TSPAN5: variants seen among roughly 807,000 people sequenced by gnomAD.
TSPAN5 encodes tetraspanin 5, also known as tetraspanin-5.
TSPAN5 carries 10 observed loss-of-function variants against 37.1 expected under a neutral mutation model. The observed-to-expected ratio is 0.27, with a 90% CI of 0.17 to 0.46. The LOEUF is 0.46. Among genes scored for constraint, TSPAN5 ranks in the 20% least tolerant of loss-of-function variants. The pLI is 1.00. For synonymous variants in TSPAN5, 110 were observed against 118.9 expected (o/e 0.93, Z 0.48); for missense variants, 195 against 326.6 (o/e 0.60, Z 3.11).
intron 7 of TSPAN5, 98 bp downstream of exon 7, chr4:98,476,091 C>A (rs1752689021): frequency 3.4e-6 from 3 of 877,304 alleles, no homozygotes; most frequent in Non-Finnish European, 5.6e-6. Flanking sequence ...GTCTTAAAAA[C>A]TATGACAATC....
At chr4:98,610,255 C>A (rs1756149548) in intron 1 of TSPAN5, among the ~76,000 whole-genome samples, 1 of 152,188 alleles carries the variant, frequency 6.6e-6, no homozygotes, top group African/African-American at 2.4e-5. Flanking sequence ...TCGAACTCAG[C>A]CTCAAGCCCT....
chr4:98,611,511 G>A (rs1162618362), intron 1 of TSPAN5, among the ~76,000 whole-genome samples: 1 of 152,216 alleles, frequency 6.6e-6, no homozygotes, highest in Middle Eastern at 3.2e-3. Context: ...AAGCTGAAAT[G>A]TGAGCTCAGC....
chr4:98,650,744 C>T (rs945235633), intron 1 of TSPAN5, among the ~76,000 whole-genome samples: 1 of 152,160 alleles, frequency 6.6e-6, no homozygotes, highest in Non-Finnish European at 1.5e-5. Context: ...TTCAATAGCT[C>T]CTTGGAGAAA....
intron 2 of TSPAN5, among the ~76,000 whole-genome samples, chr4:98,499,338 G>A (rs967993654): frequency 3.3e-5 from 5 of 152,210 alleles, no homozygotes; most frequent in East Asian, 1.9e-4. Flanking sequence ...TGATGGGCTC[G>A]GCAGGGAGAA....
chr4:98,481,672 A>G (rs1752841507), intron 4 of TSPAN5, among the ~76,000 whole-genome samples: 1 of 152,230 alleles, frequency 6.6e-6, no homozygotes, highest in South Asian at 2.1e-4. Flanking sequence ...ATATTTAATA[A>G]CCAAAGAAAA....
chr4:98,507,291 C>T (rs1418641457), intron 2 of TSPAN5, among the ~76,000 whole-genome samples: 1 of 152,012 alleles, frequency 6.6e-6, no homozygotes, highest in African/African-American at 2.4e-5. Flanking sequence ...GAGTTATCTT[C>T]CAAAGAGTTG....
At chr4:98,475,400 T>A (rs1387110733) in intron 7 of TSPAN5, among the ~76,000 whole-genome samples, 1 of 152,226 alleles carries the variant, frequency 6.6e-6, no homozygotes, top group African/African-American at 2.4e-5. Flanking sequence ...CTCTTAAGAC[T>A]GGCCAGGAGG....
At position 98,658,254 on chromosome 4, in the gene TSPAN5, CG is replaced by C. The variant is rs1172615321; in HGVS notation, c.-29del. 1 of 1,599,076 alleles carries C rather than the reference CG, an allele frequency of 6.3e-7. No individual in the cohort carries two copies. The highest frequency in any genetic ancestry group is 1.1e-5 in the South Asian group (1 of 90,784). On this transcript the variant is annotated 5_prime_UTR_variant, in exon 1 of 8. Transcript: ENST00000305798. ...TCTGGGTTCATGAAGACACTTGCCC[CG>C]GCAGCCCGAGTTTGGAGCTCCGAAG...
chr4:98,644,596 G>GC (rs1197281988), intron 1 of TSPAN5, among the ~76,000 whole-genome samples: 1 of 152,046 alleles, frequency 6.6e-6, no homozygotes, highest in Non-Finnish European at 1.5e-5. Flanking sequence ...CTGGTGCGCT[G>GC]CACCCACTAA....
intron 2 of TSPAN5, among the ~76,000 whole-genome samples, chr4:98,494,508 T>A (rs534516992): frequency 4.0e-5 from 6 of 151,756 alleles, no homozygotes; most frequent in African/African-American, 1.4e-4. Context: ...TAAGCCTCAA[T>A]TTCTGTATCT....
chr4:98,640,014 C>A (rs28574900), intron 1 of TSPAN5, among the ~76,000 whole-genome samples: 31,867 of 152,070 alleles, frequency 0.21, 3,631 homozygotes, highest in Middle Eastern at 0.29. Flanking sequence ...AGGGAGCTTT[C>A]CTTTACTATA....
intron 2 of TSPAN5, 133 bp downstream of exon 2, chr4:98,507,545 C>T (rs1198047451): frequency 1.7e-6 from 1 of 573,888 alleles, no homozygotes; most frequent in East Asian, 3.0e-5. Context: ...CATTAATCTT[C>T]CACCAACACT....
intron 1 of TSPAN5, among the ~76,000 whole-genome samples, chr4:98,639,798 G>C (rs1166382406): frequency 6.6e-6 from 1 of 152,152 alleles, no homozygotes; most frequent in African/African-American, 2.4e-5. Context: ...ATCAAGAAAT[G>C]AATGACTAGT....
At chr4:98,620,358 T>A (rs1756453071) in intron 1 of TSPAN5, among the ~76,000 whole-genome samples, 1 of 152,122 alleles carries the variant, frequency 6.6e-6, no homozygotes, top group Non-Finnish European at 1.5e-5. Context: ...GTCATCCCAG[T>A]CCAGACAGCA....
At chr4:98,506,977 G>A (rs1255843672) in intron 2 of TSPAN5, among the ~76,000 whole-genome samples, 3 of 152,220 alleles carry the variant, frequency 2.0e-5, no homozygotes, top group Non-Finnish European at 4.4e-5. Context: ...CGATGGGAAG[G>A]AGAGGTGTGG....
chr4:98,553,192 A>T (rs1754661529), intron 1 of TSPAN5, among the ~76,000 whole-genome samples: 1 of 152,342 alleles, frequency 6.6e-6, no homozygotes, highest in African/African-American at 2.4e-5. Context: ...GTATAAAGTT[A>T]CCTAATTTGC....
intron 1 of TSPAN5, among the ~76,000 whole-genome samples, chr4:98,614,393 C>T (rs1016829905): frequency 4.6e-5 from 7 of 152,186 alleles, no homozygotes; most frequent in African/African-American, 1.7e-4. Flanking sequence ...GGCTGCATTT[C>T]TGACAGAAAT....
At chr4:98,499,401 A>G (rs1044374919) in intron 2 of TSPAN5, among the ~76,000 whole-genome samples, 2 of 152,188 alleles carry the variant, frequency 1.3e-5, no homozygotes, top group Non-Finnish European at 2.9e-5. Context: ...CTGTCTAATC[A>G]CTGGGCCTGG....
At chr4:98,527,933 A>G (rs1388043196) in intron 1 of TSPAN5, among the ~76,000 whole-genome samples, 1 of 152,226 alleles carries the variant, frequency 6.6e-6, no homozygotes, top group Admixed American at 6.5e-5. Flanking sequence ...TCTGATGAAT[A>G]TGAAATATCT....
Sources: gnomAD v4.1 joint callset for allele counts (sites outside exome capture counted in the v4.1 genomes callset) on GRCh38, gnomAD v4.1.1 for gene constraint, MANE v1.5 for transcripts, NCBI Gene and HGNC (gene_info 2026-07-23, HGNC 2026-07-21) for gene names.